The following SRP72 variants were observed in gnomAD, a reference collection of about 807,000 sequenced individuals.
The protein encoded by SRP72 is signal recognition particle subunit SRP72.
A neutral mutation model predicts 96.3 loss-of-function variants in SRP72; 49 were observed. The observed-to-expected ratio is 0.51, with a 90% CI of 0.40 to 0.65. SRP72 has a LOEUF of 0.65. Among genes scored for constraint, SRP72 ranks in the 30% least tolerant of loss-of-function variants. SRP72 has a pLI of 0.00. For missense variants in SRP72, 736 were observed against 793.3 expected (o/e 0.93, Z 0.87); for synonymous variants, 267 against 275.2 (o/e 0.97, Z 0.30).
chr4:56,498,723 G>A (rs544003447), intron 17 of SRP72, among the ~76,000 whole-genome samples: 11 of 152,250 alleles, frequency 7.2e-5, no homozygotes, highest in Non-Finnish European at 1.5e-4. Context: ...GGGATGTGAA[G>A]GACCTCTTCA....
chr4:56,481,401 A>C (rs1407503102), intron 8 of SRP72, among the ~76,000 whole-genome samples: 1 of 152,162 alleles, frequency 6.6e-6, no homozygotes, highest in Non-Finnish European at 1.5e-5. Context: ...AATCAGTGTG[A>C]CTTAGTTTTC....
chr4:56,502,632 T>C lies in SRP72; in HGVS notation c.*771T>C, dbSNP rs1290682999. 6.6e-6 allele frequency: 1 copy of C among 151,776 alleles called. No homozygotes were observed. The highest frequency in any genetic ancestry group is 2.4e-5 in the African/African-American group (1 of 41,358). 9.4% of individuals were successfully genotyped at this position (151,776 alleles called of 1,614,324 possible). On this transcript the variant is annotated 3_prime_UTR_variant, in exon 19 of 19. Coordinates refer to ENST00000642900, the MANE Select transcript of SRP72 (RefSeq NM_006947.4). Reference sequence around the variant, plus strand: ...AAATATATCAATGTAAGAAGTTCACTCTTAGACCCAGTGTTCTGAGGTCAC... The same window carrying C: ...AAATATATCAATGTAAGAAGTTCACCCTTAGACCCAGTGTTCTGAGGTCAC...
At chr4:56,499,919 T>C (rs1208153484) in intron 17 of SRP72, among the ~76,000 whole-genome samples, 8 of 152,222 alleles carry the variant, frequency 5.3e-5, no homozygotes, top group Non-Finnish European at 7.3e-5. Context: ...TGCACACTTA[T>C]GTTTATTGCA....
In SRP72 at chr4:56,480,055, C is replaced by G. The variant is rs368949869; in HGVS notation, c.825+1406C>G. 4.5e-4 allele frequency among the ~76,000 whole-genome samples: 68 copies of G among 152,150 alleles called. No individual in the cohort carries two copies. The East Asian group carries it at 0.011, about 25-fold the overall frequency. On this transcript the variant is annotated intron_variant, in intron 8 of 18. Coordinates refer to ENST00000642900, the MANE Select transcript of SRP72 (RefSeq NM_006947.4). ...CTAGTTTCTGACTTCAAAGCTTTCC[C>G]CTTCTACTACTTAGTGGTTCTTCTC...
rs1417876848 is a variant in SRP72 at position 56,501,775 on chromosome 4, C to T, written c.1930C>T (p.Pro644Ser). The T allele has an allele frequency of 9.3e-6, 15 of 1,613,918 alleles. No homozygotes were observed. Among genetic ancestry groups the T allele is most frequent in the Non-Finnish European group, 1.2e-5 (14 of 1,180,008 alleles). The change falls in exon 19 of 19, where the codon CCA (proline) becomes TCA (serine). Residue 644 changes from proline (P) to serine (S), a missense_variant. Around this residue, in one of 3 missense-constraint regions of SRP72, gnomAD observed 388 missense variants for 431.8 expected, o/e 0.90. Transcript: ENST00000642900. ...TGCCTCTACAAGTAACATCATACCC[C>T]CAAGACACCAGAAACCTGCAGGGGC... ...VSASTSNIIP[P>S]RHQKPAGAPA...
Position 56,502,494 on chromosome 4 carries a change from T to A in SRP72, c.*633T>A, listed in dbSNP as rs867120149. On this transcript the variant is annotated 3_prime_UTR_variant, in exon 19 of 19. Coordinates refer to ENST00000642900, the MANE Select transcript of SRP72 (RefSeq NM_006947.4). ...ATATATATATATATGTATATATATA[T>A]ACATATATATATATATATAAACATG... The A allele has an allele frequency of 1.1e-5, 1 of 92,372 alleles. No individual in the cohort carries two copies. Among genetic ancestry groups the A allele is most frequent in the African/African-American group, 5.0e-5 (1 of 20,050 alleles). The allele number at this position is 92,372 out of a possible 1,614,324, so 5.7% of individuals were successfully genotyped here.
intron 16 of SRP72, among the ~76,000 whole-genome samples, chr4:56,493,396 T>C (rs1213921294): frequency 1.3e-5 from 2 of 152,216 alleles, no homozygotes; most frequent in African/African-American, 2.4e-5. Context: ...GCTTTTAAGT[T>C]TCAGCACAGT....
At chr4:56,494,062 G>T (rs1199948127) in intron 16 of SRP72, among the ~76,000 whole-genome samples, 2 of 152,112 alleles carry the variant, frequency 1.3e-5, no homozygotes, top group Non-Finnish European at 2.9e-5. Flanking sequence ...ATGAGGACGA[G>T]GTAGGCAAAG....
At chr4:56,499,787 C>T (rs1000197926) in intron 17 of SRP72, among the ~76,000 whole-genome samples, 1 of 152,122 alleles carries the variant, frequency 6.6e-6, no homozygotes, top group East Asian at 1.9e-4. Flanking sequence ...TTAGTTTAGC[C>T]ATTGTGGAAG....
chr4:56,474,177 A>G lies in SRP72; in HGVS notation c.478A>G (p.Asn160Asp). ...TTCAGCAGTTGTTGCAGCTCAAAGC[A>G]ATTGGGAAAAAGTGGTTCCAGTGAG... ...NLSAVVAAQS[N>D]WEKVVPENLG... Residue 160 changes from asparagine (N) to aspartate (D), a missense_variant, in exon 4 of 19, where the codon AAT (asparagine) becomes GAT (aspartate). Transcript: ENST00000642900. 6.2e-7 allele frequency: 1 copy of G among 1,614,220 alleles called. No homozygotes were observed. Among genetic ancestry groups the G allele is most frequent in the Non-Finnish European group, 8.5e-7 (1 of 1,180,046 alleles).
intron 18 of SRP72, 147 bp downstream of exon 18, chr4:56,500,842 AAG>A (rs1721236972): frequency 1.3e-6 from 1 of 748,614 alleles, no homozygotes; most frequent in African/African-American, 1.8e-5. Context: ...ATGCAAATGA[AAG>A]AAAATATATT....
At chr4:56,491,405 G>A (rs1217341867) in intron 15 of SRP72, 26 bp from the exon 16 acceptor site, 1 of 1,609,132 alleles carries the variant, frequency 6.2e-7, no homozygotes, top group African/African-American at 1.3e-5. Context: ...TGTATATTAT[G>A]TTCCTGAACT....
intron 15 of SRP72, 64 bp downstream of exon 15, chr4:56,490,709 G>A: frequency 1.5e-6 from 2 of 1,370,918 alleles, no homozygotes; most frequent in Non-Finnish European, 2.0e-6. Flanking sequence ...TCTGATATCT[G>A]TGTTTTGACC....
chr4:56,495,478 T>C (rs1354751587), intron 17 of SRP72, 84 bp downstream of exon 17: 22 of 814,858 alleles, frequency 2.7e-5, no homozygotes, highest in Non-Finnish European at 4.0e-5. Context: ...TGGACATAAA[T>C]ATACTGCCCT....
intron 8 of SRP72, among the ~76,000 whole-genome samples, chr4:56,481,817 G>T (rs562427209): frequency 4.3e-4 from 64 of 147,630 alleles, no homozygotes; most frequent in African/African-American, 1.6e-3. Flanking sequence ...TCTTGCCCAG[G>T]CTGGAGTGCA....
chr4:56,492,940 G>A (rs1430076405), intron 16 of SRP72, among the ~76,000 whole-genome samples: 1 of 152,126 alleles, frequency 6.6e-6, no homozygotes, highest in African/African-American at 2.4e-5. Context: ...AGCAGTGATT[G>A]CATCACTGCA....
intron 1 of SRP72, among the ~76,000 whole-genome samples, chr4:56,468,429 G>T (rs938683440): frequency 7.9e-5 from 12 of 152,026 alleles, no homozygotes; most frequent in Non-Finnish European, 4.4e-5. Flanking sequence ...ACCGCCTTTG[G>T]TGTGAGGTTT....
chr4:56,479,352 C>T (rs1320602772), intron 8 of SRP72, among the ~76,000 whole-genome samples: 3 of 151,300 alleles, frequency 2.0e-5, no homozygotes, highest in East Asian at 2.0e-4. Flanking sequence ...TCTAATTTTT[C>T]GTATTTTTAG....
intron 1 of SRP72, among the ~76,000 whole-genome samples, chr4:56,469,158 C>T (rs1302415266): frequency 1.3e-5 from 2 of 152,114 alleles, no homozygotes; most frequent in Non-Finnish European, 2.9e-5. Context: ...ATAGGTAATG[C>T]TTTTCTAATC....
Sources: allele counts gnomAD v4.1 joint callset (sites outside exome capture counted in the v4.1 genomes callset), GRCh38; gene constraint gnomAD v4.1.1; regional missense constraint gnomAD v4.1.1; transcripts MANE v1.5; gene names NCBI Gene and HGNC (gene_info 2026-07-23, HGNC 2026-07-21).